The following SPATA16 variants were observed in gnomAD, a reference collection of about 807,000 sequenced individuals.
SPATA16 encodes the protein spermatogenesis associated 16, also known as spermatogenesis-associated protein 16.
Under a neutral mutation model 63.3 loss-of-function variants are expected in SPATA16, and 36 were observed. The ratio of observed to expected loss-of-function variants is 0.57; its 90% CI spans 0.44 to 0.75. SPATA16 has a LOEUF of 0.75. Ranked by LOEUF, SPATA16 falls within the 30% of genes least tolerant of loss-of-function variation. The probability of loss-of-function intolerance (pLI) is 0.00; values close to 1 mark genes in which losing one functional copy is unlikely to be tolerated. For missense variants in SPATA16, 646 were observed against 679.3 expected (o/e 0.95, Z 0.54); for synonymous variants, 203 against 216.7 (o/e 0.94, Z 0.56).
intron 4 of SPATA16, among the ~76,000 whole-genome samples, chr3:173,011,834 C>T (rs1220435871): frequency 2.6e-5 from 4 of 152,142 alleles, no homozygotes; most frequent in African/African-American, 9.7e-5. Flanking sequence ...CAGGGTCTCA[C>T]TAGGAGACAG....
chr3:172,898,449 A>G (rs1215762473), intron 10 of SPATA16, among the ~76,000 whole-genome samples: 1 of 151,934 alleles, frequency 6.6e-6, no homozygotes, highest in Admixed American at 6.5e-5. Flanking sequence ...TGGTGGTAGC[A>G]TGTTTTTTGA....
intron 4 of SPATA16, among the ~76,000 whole-genome samples, chr3:172,978,523 T>A (rs911850934): frequency 6.6e-6 from 1 of 152,242 alleles, no homozygotes; most frequent in African/African-American, 2.4e-5. Context: ...AAGAAATCGA[T>A]GGAAAATATA....
chr3:173,010,512 C>T (rs893136664), intron 4 of SPATA16, among the ~76,000 whole-genome samples: 1 of 151,282 alleles, frequency 6.6e-6, no homozygotes, highest in African/African-American at 2.4e-5. Context: ...AGGTAAGTGA[C>T]AGGCCCTCTG....
chr3:173,115,274 T>G (rs910809027), intron 2 of SPATA16, among the ~76,000 whole-genome samples: 3 of 152,206 alleles, frequency 2.0e-5, no homozygotes, highest in African/African-American at 7.2e-5. Flanking sequence ...ATTTGAAGCT[T>G]TTACAGTAGC....
At chr3:172,969,135 TAAGCA>T in intron 5 of SPATA16, among the ~76,000 whole-genome samples, 1 of 75,396 alleles carries the variant, frequency 1.3e-5, no homozygotes, top group African/African-American at 3.4e-5. Flanking sequence ...ATGTGACACT[TAAGCA>T]GCCAAGAGGT....
intron 4 of SPATA16, among the ~76,000 whole-genome samples, chr3:173,005,404 A>C (rs1426628257): frequency 6.6e-6 from 1 of 151,934 alleles, no homozygotes; most frequent in Non-Finnish European, 1.5e-5. Context: ...AAGAGATTTA[A>C]CATGACATTT....
chr3:172,927,060 A>G (rs1397857006), intron 6 of SPATA16, among the ~76,000 whole-genome samples: 5 of 152,212 alleles, frequency 3.3e-5, no homozygotes, highest in African/African-American at 1.2e-4. Context: ...ATAGTACACC[A>G]CGAGTGTTTT....
intron 1 of SPATA16, among the ~76,000 whole-genome samples, chr3:173,129,142 C>A (rs1320253504): frequency 6.6e-6 from 1 of 152,162 alleles, no homozygotes; most frequent in African/African-American, 2.4e-5. Flanking sequence ...AGGGCTAATT[C>A]CTGGGGAATT....
intron 10 of SPATA16, among the ~76,000 whole-genome samples, chr3:172,895,117 C>T (rs1176741359): frequency 6.6e-6 from 1 of 152,150 alleles, no homozygotes; most frequent in African/African-American, 2.4e-5. Context: ...CTCAGCAAGA[C>T]TCAGCATATT....
At chr3:173,042,331 C>T (rs971232433) in intron 3 of SPATA16, among the ~76,000 whole-genome samples, 2 of 152,108 alleles carry the variant, frequency 1.3e-5, no homozygotes, top group Non-Finnish European at 2.9e-5. Context: ...AAGTGATTCT[C>T]CTGTCTCAGC....
chr3:172,899,447 C>G (rs1305207231), intron 10 of SPATA16, among the ~76,000 whole-genome samples: 1 of 151,882 alleles, frequency 6.6e-6, no homozygotes, highest in East Asian at 1.9e-4. Context: ...TTAATATAAC[C>G]ACTATTGCTT....
chr3:172,895,168 G>A (rs965632680), intron 10 of SPATA16, among the ~76,000 whole-genome samples: 31 of 152,142 alleles, frequency 2.0e-4, no homozygotes, highest in African/African-American at 7.2e-4. Context: ...TTGCAAAACT[G>A]TAGAATTCTA....
intron 2 of SPATA16, among the ~76,000 whole-genome samples, chr3:173,092,484 T>C (rs182301315): frequency 1.2e-3 from 176 of 152,262 alleles, no homozygotes; most frequent in African/African-American, 4.1e-3. Context: ...TTTTAGATTA[T>C]TGGAGTGGGC....
At chr3:172,961,123 T>TTCCTTCCTTCCG (rs1560080489) in intron 5 of SPATA16, among the ~76,000 whole-genome samples, 16 of 150,902 alleles carry the variant, frequency 1.1e-4, no homozygotes, top group African/African-American at 3.7e-4. Context: ...CCTTCCTTCC[T>TTCCTTCCTTCCG]TCCTTTCTCT....
chr3:173,087,872 G>A (rs1378478387), intron 2 of SPATA16, among the ~76,000 whole-genome samples: 1 of 151,998 alleles, frequency 6.6e-6, no homozygotes, highest in Non-Finnish European at 1.5e-5. Flanking sequence ...CTGGCTTGTA[G>A]GGTTTCCACG....
chr3:172,992,489 A>C (rs1463358919), intron 4 of SPATA16, among the ~76,000 whole-genome samples: 1 of 152,004 alleles, frequency 6.6e-6, no homozygotes, highest in Non-Finnish European at 1.5e-5. Context: ...GAGAAAAAGC[A>C]CATCCCTTAA....
intron 4 of SPATA16, among the ~76,000 whole-genome samples, chr3:173,006,736 G>A (rs1055384477): frequency 6.6e-6 from 1 of 151,902 alleles, no homozygotes; most frequent in Non-Finnish European, 1.5e-5. Context: ...ACTGTTTTAT[G>A]TTACTAGATT....
At chr3:173,040,738 CTGGGA>C (rs1735819883) in intron 3 of SPATA16, among the ~76,000 whole-genome samples, 1 of 152,074 alleles carries the variant, frequency 6.6e-6, no homozygotes, top group Non-Finnish European at 1.5e-5. Context: ...CATAGGTTTG[CTGGGA>C]TGTAGTTTAT....
At chr3:172,967,497 G>T (rs1733942892) in intron 5 of SPATA16, among the ~76,000 whole-genome samples, 1 of 152,158 alleles carries the variant, frequency 6.6e-6, no homozygotes, top group Non-Finnish European at 1.5e-5. Flanking sequence ...TATTTTCATA[G>T]TGATGGGAGT....
Sources: gnomAD v4.1 joint callset for allele counts (sites outside exome capture counted in the v4.1 genomes callset) on GRCh38, gnomAD v4.1.1 for gene constraint, MANE v1.5 for transcripts, NCBI Gene and HGNC (gene_info 2026-07-23, HGNC 2026-07-21) for gene names.